KCNC2: variants seen among roughly 807,000 people sequenced by gnomAD.
KCNC2 encodes the protein potassium voltage-gated channel subfamily C member 2, also known as voltage-gated potassium channel KCNC2.
In KCNC2, 21 loss-of-function variants were observed where a neutral mutation model predicts 44.5. The observed-to-expected ratio is 0.47, with a 90% confidence interval of 0.33 to 0.68. The LOEUF (loss-of-function observed/expected upper bound fraction) is 0.68. Ranked by LOEUF, KCNC2 falls within the 30% of genes least tolerant of loss-of-function variation. The pLI, the probability that KCNC2 is intolerant of heterozygous loss-of-function variation, is 0.01. For missense variants in KCNC2, 589 were observed against 826.2 expected, an observed-to-expected ratio of 0.71 and a Z score of 3.52; for synonymous variants, 391 against 339.1, an observed-to-expected ratio of 1.15 and a Z score of -1.68.
At chr12:75,186,525 GTTA>G (rs1348959267) in intron 2 of KCNC2, among the ~76,000 whole-genome samples, 4 of 152,020 alleles carry the variant, frequency 2.6e-5, no homozygotes, top group African/African-American at 9.7e-5. Flanking sequence ...GTAAAAAAAG[GTTA>G]TTATTATAAA....
intron 2 of KCNC2, among the ~76,000 whole-genome samples, chr12:75,154,091 T>G (rs1157305083): frequency 6.6e-6 from 1 of 152,044 alleles, no homozygotes; most frequent in African/African-American, 2.4e-5. Flanking sequence ...TATCTCCTAA[T>G]AAAATTTTAC....
At chr12:75,161,879 C>T (rs1485575314) in intron 2 of KCNC2, among the ~76,000 whole-genome samples, 1 of 151,610 alleles carries the variant, frequency 6.6e-6, no homozygotes, top group Non-Finnish European at 1.5e-5. Context: ...AATATATAGG[C>T]AGAAATAGGA....
intron 2 of KCNC2, among the ~76,000 whole-genome samples, chr12:75,143,508 G>A (rs1889801187): frequency 6.6e-6 from 1 of 152,142 alleles, no homozygotes; most frequent in Admixed American, 6.6e-5. Flanking sequence ...AACTGGATGT[G>A]GTTCCAGGCC....
At chr12:75,095,201 C>T (rs1885819358) in intron 2 of KCNC2, among the ~76,000 whole-genome samples, 1 of 151,812 alleles carries the variant, frequency 6.6e-6, no homozygotes, top group South Asian at 2.1e-4. Flanking sequence ...CACCACCATG[C>T]TACTGCTTTC....
At chr12:75,065,810 C>T (rs968447552) in intron 2 of KCNC2, among the ~76,000 whole-genome samples, 2 of 152,120 alleles carry the variant, frequency 1.3e-5, no homozygotes, top group Non-Finnish European at 2.9e-5. Flanking sequence ...CAATACATGA[C>T]TGCATTACAA....
At chr12:75,191,696 G>C (rs1018476265) in intron 2 of KCNC2, among the ~76,000 whole-genome samples, 2 of 150,498 alleles carry the variant, frequency 1.3e-5, no homozygotes, top group South Asian at 4.2e-4. Context: ...GACTACAGGC[G>C]CCCGGCACCG....
intron 2 of KCNC2, among the ~76,000 whole-genome samples, chr12:75,153,142 T>C (rs960734979): frequency 6.6e-6 from 1 of 152,032 alleles, no homozygotes; most frequent in African/African-American, 2.4e-5. Context: ...TTGTTTAGGA[T>C]TGCCATTTGG....
intron 2 of KCNC2, among the ~76,000 whole-genome samples, chr12:75,202,728 A>T (rs1340282037): frequency 6.6e-6 from 1 of 151,528 alleles, no homozygotes; most frequent in Non-Finnish European, 1.5e-5. Context: ...AAGACCAATA[A>T]TACCTTAACA....
intron 2 of KCNC2, among the ~76,000 whole-genome samples, chr12:75,152,301 A>T (rs1479128000): frequency 6.6e-6 from 1 of 151,500 alleles, no homozygotes; most frequent in East Asian, 1.9e-4. Context: ...GAATAAAAAG[A>T]TCTTAAAATC....
chr12:75,063,229 C>A (rs1882512922), intron 2 of KCNC2, among the ~76,000 whole-genome samples: 1 of 151,912 alleles, frequency 6.6e-6, no homozygotes, highest in African/African-American at 2.4e-5. Context: ...ATTGTACATC[C>A]AACATTATTT....
At chr12:75,107,981 C>T (rs1431194738) in intron 2 of KCNC2, among the ~76,000 whole-genome samples, 1 of 152,080 alleles carries the variant, frequency 6.6e-6, no homozygotes, top group Non-Finnish European at 1.5e-5. Flanking sequence ...GGAAAGAAAA[C>T]AAGTACAGTG....
chr12:75,207,629 G>C lies in KCNC2; in HGVS notation c.355C>G (p.Arg119Gly). ...GVFAYVLNYY[R>G]TGKLHCPADV... ...GCGGGGCAGTGCAGCTTGCCGGTGCGGTAGTAATTGAGCACATAGGCGAAG... is the reference window on the plus strand; with the variant it reads ...GCGGGGCAGTGCAGCTTGCCGGTGCCGTAGTAATTGAGCACATAGGCGAAG... Residue 119 changes from arginine (R) to glycine (G), a missense_variant, in exon 2 of 5, where the codon CGC becomes GGC. By Grantham distance (125) the Arg-to-Gly change is moderately radical (BLOSUM62 -2). This residue lies in a region of KCNC2 where 40 missense variants were observed against 102.0 expected (regional missense o/e 0.39). Coordinates refer to ENST00000549446, the MANE Select transcript of KCNC2 (RefSeq NM_139137.4). The surrounding 1 kb of genome is among the most constrained non-coding windows in gnomAD (Gnocchi z 4.1). 3.1e-6 allele frequency: 5 copies of C among 1,611,964 alleles called. No homozygotes were observed. Among genetic ancestry groups the C allele is most frequent in the Non-Finnish European group, 4.2e-6 (5 of 1,179,866 alleles).
Position 75,041,541 on chromosome 12 carries a change from T to G in KCNC2, c.*1564A>C. ...ATATTATTTATCCCTCTATTTATAT[T>G]ACGGTCTTTTTCTTCCCTCACATGC... On this transcript the variant is annotated 3_prime_UTR_variant, in exon 5 of 5. Transcript: ENST00000549446. 2 of 1,119,254 alleles carry G rather than the reference T, an allele frequency of 1.8e-6. No individual in the cohort carries two copies. The highest frequency in any genetic ancestry group is 1.1e-6 in the Non-Finnish European group (1 of 907,240). 69.3% of individuals were successfully genotyped at this position (1,119,254 alleles called of 1,614,324 possible).
At chr12:75,067,963 G>A (rs189790333) in intron 2 of KCNC2, among the ~76,000 whole-genome samples, 20 of 152,144 alleles carry the variant, frequency 1.3e-4, no homozygotes, top group Admixed American at 1.2e-3. Flanking sequence ...AAAGTAAACT[G>A]CGTTTTTTGG....
chr12:75,097,741 C>G (rs190165621), intron 2 of KCNC2, among the ~76,000 whole-genome samples: 5 of 152,166 alleles, frequency 3.3e-5, no homozygotes, highest in African/African-American at 9.6e-5. Flanking sequence ...GACAGATAGA[C>G]TAGCATTTTA....
chr12:75,161,706 G>A (rs1891137353), intron 2 of KCNC2, among the ~76,000 whole-genome samples: 2 of 151,582 alleles, frequency 1.3e-5, no homozygotes, highest in Non-Finnish European at 3.0e-5. Context: ...TGCATACACT[G>A]GAATGTGAAT....
At chr12:75,153,446 G>A (rs957229038) in intron 2 of KCNC2, among the ~76,000 whole-genome samples, 1 of 151,762 alleles carries the variant, frequency 6.6e-6, no homozygotes, top group African/African-American at 2.4e-5. Flanking sequence ...GAGTGGAATA[G>A]CAGACATAGG....
chr12:75,187,137 T>C (rs1327593287), intron 2 of KCNC2, among the ~76,000 whole-genome samples: 1 of 152,216 alleles, frequency 6.6e-6, no homozygotes, highest in East Asian at 1.9e-4. Flanking sequence ...ATTTGGAAGA[T>C]AAGCACTTTC....
rs76590667 is a variant in KCNC2, at chr12:75,198,426, C to T, written c.687+8871G>A. Among the ~76,000 whole-genome samples the T allele has an allele frequency of 2.0e-5, 3 of 151,896 alleles. No homozygotes were observed. The East Asian group carries it at 5.8e-4, about 29-fold the overall frequency. On this transcript the variant is annotated intron_variant, in intron 2 of 4. Transcript: ENST00000549446. The stretch of plus-strand genomic sequence containing the variant: ...AAAAGTCAGTTAAGGTTCTATTCTG[C>T]CCATTTCCTACTCAGTCTACTTGGT...
Sources: allele counts gnomAD v4.1 joint callset (sites outside exome capture counted in the v4.1 genomes callset), GRCh38; gene constraint gnomAD v4.1.1; regional missense constraint gnomAD v4.1.1; non-coding constraint Gnocchi (gnomAD v3.1); transcripts MANE v1.5; gene names NCBI Gene and HGNC (gene_info 2026-07-23, HGNC 2026-07-21).